The following CMYA5 variants were observed in gnomAD, a reference collection of about 807,000 sequenced individuals.
CMYA5 encodes cardiomyopathy-associated protein 5.
Under a neutral mutation model 318.9 loss-of-function variants are expected in CMYA5, and 246 were observed. The ratio of observed to expected loss-of-function variants is 0.77; its 90% CI spans 0.70 to 0.86. The LOEUF (loss-of-function observed/expected upper bound fraction) is 0.86, where lower values mean the gene tolerates loss of function less well. CMYA5 is among the 40% of genes least tolerant of loss of function. CMYA5 has a pLI of 0.00. For missense variants in CMYA5, 4,589 were observed against 4,678.2 expected (o/e 0.98, Z 0.56); for synonymous variants, 1,641 against 1,729.5 (o/e 0.95, Z 1.27).
At position 79,704,197 on chromosome 5, in the gene CMYA5, T is replaced by A. The variant is rs142135733; in HGVS notation, c.149+14141T>A. Among the ~76,000 whole-genome samples, 67 of 148,908 alleles carry A rather than the reference T, an allele frequency of 4.5e-4. 1 individual carries two copies. The highest frequency in any genetic ancestry group is 1.6e-3 in the African/African-American group (63 of 39,974). ...GAGCATAATTTGGTATCTAAGATGGTGTCCAGGAAAAAAAAAAAAAGGTAT... is the reference window on the plus strand; with the variant it reads ...GAGCATAATTTGGTATCTAAGATGGAGTCCAGGAAAAAAAAAAAAAGGTAT... On this transcript the variant is annotated intron_variant, in intron 1 of 12. Transcript: ENST00000446378.
rs769395760 is a variant in CMYA5, at chr5:79,763,043, C to G, written c.11408-19C>G. 1.9e-6 allele frequency: 3 copies of G among 1,607,074 alleles called. No individual in the cohort carries two copies. Among genetic ancestry groups the G allele is most frequent in the African/African-American group, 1.3e-5 (1 of 74,800 alleles). The stretch of plus-strand genomic sequence containing the variant: ...CAAGCTGGCATTGCTCCACGACTGT[C>G]CTGACTCTCTTTCTGCAGCACCCTC... On this transcript the variant is annotated intron_variant, in intron 8 of 12. Transcript: ENST00000446378.
Position 79,737,993 on chromosome 5 carries a change from A to G in CMYA5, c.9228A>G (p.Leu3076=), listed in dbSNP as rs1381184170. The G allele has an allele frequency of 2.5e-6, 4 of 1,613,556 alleles. No homozygotes were observed. The Admixed American group carries it at 6.7e-5, about 27-fold the overall frequency. Residue 3076 remains leucine (L), a synonymous_variant, in exon 2 of 13, where the codon TTA becomes TTG. Transcript: ENST00000446378. ...DPEKQKAPQK[L]NVEEKLSKEV... ...AAAAACAGAAAGCTCCACAGAAATT[A>G]AATGTTGAAGAGAAACTCTCAAAGG...
rs1827861162 is a variant in CMYA5 at position 79,730,365 on chromosome 5, C to T, written c.1600C>T (p.Leu534Phe). ...SNLVEEEIVE[L>F]DYPESPLVSE... is the part of the protein sequence containing the mutation. ...TTTAGTAGAAGAAGAGATCGTAGAA[C>T]TTGATTACCCAGAAAGCCCATTGGT... The change falls in exon 2 of 13, where the codon CTT becomes TTT. Residue 534 changes from leucine (L) to phenylalanine (F), a missense_variant. Transcript: ENST00000446378. 1.2e-6 allele frequency: 2 copies of T among 1,613,860 alleles called. No individual in the cohort carries two copies. Among genetic ancestry groups the T allele is most frequent in the Non-Finnish European group, 1.7e-6 (2 of 1,179,856 alleles).
intron 9 of CMYA5, among the ~76,000 whole-genome samples, chr5:79,777,712 T>G: frequency 6.7e-6 from 1 of 149,734 alleles, no homozygotes. Context: ...GAGGCGGAGG[T>G]TTCAGTGAGC....
Position 79,737,075 on chromosome 5 carries a change from G to A in CMYA5, c.8310G>A (p.Trp2770Ter), listed in dbSNP as rs779727285. The change falls in exon 2 of 13, where the codon TGG becomes TGA. Residue 2770 changes from tryptophan to a stop codon, truncating the protein, a stop_gained. Coordinates refer to ENST00000446378, the MANE Select transcript of CMYA5 (RefSeq NM_153610.5). LOFTEE classifies it high-confidence loss of function. ...EKEQFKESELWKGGSVDITKE... is the reference protein window; with the variant it reads ...EKEQFKESEL ...AACAGTTCAAAGAGTCAGAGCTATG[G>A]AAAGGTGGTTCAGTAGATATCACAA... 2.5e-6 allele frequency: 4 copies of A among 1,613,746 alleles called. No homozygotes were observed. Among genetic ancestry groups the A allele is most frequent in the Non-Finnish European group, 3.4e-6 (4 of 1,179,798 alleles).
intron 5 of CMYA5, among the ~76,000 whole-genome samples, chr5:79,748,805 T>C (rs899515125): frequency 2.0e-5 from 3 of 152,162 alleles, no homozygotes; most frequent in African/African-American, 7.2e-5. Context: ...CCAGTTTCCT[T>C]TATTTTAAAC....
chr5:79,734,568 A>G lies in CMYA5; in HGVS notation c.5803A>G (p.Ser1935Gly). ...RPGQLKAAVS[S>G]KDHTCEVRKQ... Reference sequence around the variant, plus strand: ...AGGGCAGCTCAAGGCTGCTGTGTCCAGTAAGGACCATACATGTGAAGTGAG... The same window carrying G: ...AGGGCAGCTCAAGGCTGCTGTGTCCGGTAAGGACCATACATGTGAAGTGAG... Residue 1935 changes from serine (S) to glycine (G), a missense_variant, in exon 2 of 13, where the codon AGT becomes GGT. This residue lies in a region of CMYA5 where 2,431 missense variants were observed against 2,495.1 expected (regional missense o/e 0.97). Coordinates refer to ENST00000446378, the MANE Select transcript of CMYA5 (RefSeq NM_153610.5). The G allele has an allele frequency of 6.2e-7, 1 of 1,613,904 alleles. No individual in the cohort carries two copies. Among genetic ancestry groups the G allele is most frequent in the Non-Finnish European group, 8.5e-7 (1 of 1,179,846 alleles).
intron 10 of CMYA5, among the ~76,000 whole-genome samples, chr5:79,789,590 A>G (rs1315582137): frequency 6.6e-6 from 1 of 151,680 alleles, no homozygotes; most frequent in Admixed American, 6.6e-5. Flanking sequence ...TGCCTGGCTA[A>G]TTTTTGGATT....
chr5:79,733,765 C>A lies in CMYA5; in HGVS notation c.5000C>A (p.Ser1667Tyr). 1 of 1,613,416 alleles carries A rather than the reference C, an allele frequency of 6.2e-7. No individual in the cohort carries two copies. The highest frequency in any genetic ancestry group is 8.5e-7 in the Non-Finnish European group (1 of 1,179,738). ...AKSPITETEDSVLEKGPAELR... is the reference protein window; with the variant it reads ...AKSPITETEDYVLEKGPAELR... The stretch of plus-strand genomic sequence containing the variant: ...TCTCCCATAACTGAAACAGAGGATT[C>A]TGTTTTAGAAAAAGGCCCAGCTGAG... Residue 1667 changes from serine (S) to tyrosine (Y), a missense_variant, in exon 2 of 13, where the codon TCT (serine) becomes TAT (tyrosine). Physicochemically the swap from Ser to Tyr is moderately radical, Grantham distance 144. This residue lies in a region of CMYA5 where 2,132 missense variants were observed against 2,131.3 expected (regional missense o/e 1.00). Transcript: ENST00000446378.
At chr5:79,791,095 G>A in intron 11 of CMYA5, 26 bp downstream of exon 11, 1 of 1,547,902 alleles carries the variant, frequency 6.5e-7, no homozygotes. Context: ...AAGCACAAGT[G>A]GGCTGATGGC....
intron 1 of CMYA5, among the ~76,000 whole-genome samples, chr5:79,699,880 C>T (rs72768863): frequency 0.13 from 20,079 of 152,202 alleles, 1,985 homozygotes; most frequent in Admixed American, 0.26. Flanking sequence ...ACCCCTAGTG[C>T]ATTTACATAC....
chr5:79,711,278 A>T (rs1827384023), intron 1 of CMYA5, among the ~76,000 whole-genome samples: 1 of 152,114 alleles, frequency 6.6e-6, no homozygotes, highest in Non-Finnish European at 1.5e-5. Context: ...GGTGCTTTTC[A>T]CTGGCAGCTC....
Position 79,787,465 on chromosome 5 carries a change from G to A in CMYA5, c.11556-1506G>A, listed in dbSNP as rs568492393. 2.6e-5 allele frequency among the ~76,000 whole-genome samples: 4 copies of A among 152,228 alleles called. No homozygotes were observed. In the South Asian group the frequency reaches 8.3e-4, roughly 32 times the overall value. ...CCCCAGAATAATATTCTAGATATTA[G>A]TCAGAAATTACATTCTCAATCATAG... On this transcript the variant is annotated intron_variant, in intron 9 of 12. Transcript: ENST00000446378.
intron 2 of CMYA5, among the ~76,000 whole-genome samples, chr5:79,740,829 C>T (rs888973440): frequency 3.9e-5 from 6 of 152,142 alleles, no homozygotes; most frequent in Middle Eastern, 3.4e-3. Context: ...ATAACAATAA[C>T]GATTGAGGAT....
In CMYA5 at chr5:79,733,992, C is replaced by CCATTTACT. The variant is rs1431152909; in HGVS notation, c.5228_5235dup (p.Phe1746HisfsTer6). On this transcript the variant is annotated frameshift_variant, in exon 2 of 13. Coordinates refer to ENST00000446378, the MANE Select transcript of CMYA5 (RefSeq NM_153610.5). LOFTEE classifies it high-confidence loss of function. ...AGGAGGCAACCCAGAAGAATTTCAGCCATTTACTTTTTCTTTAAAAGGATT... is the reference window on the plus strand; with the variant it reads ...AGGAGGCAACCCAGAAGAATTTCAGCCATTTACTCATTTACTTTTTCTTTAAAAGGATT... 2 of 1,613,496 alleles carry CCATTTACT rather than the reference C, an allele frequency of 1.2e-6. No individual in the cohort carries two copies. Among genetic ancestry groups the CCATTTACT allele is most frequent in the African/African-American group, 2.7e-5 (2 of 74,896 alleles).
At chr5:79,767,821 G>A (rs1828782383) in intron 9 of CMYA5, among the ~76,000 whole-genome samples, 1 of 152,206 alleles carries the variant, frequency 6.6e-6, no homozygotes, top group South Asian at 2.1e-4. Flanking sequence ...TATTAGGTCT[G>A]CTTGGTCCAG....
Position 79,734,742 on chromosome 5 carries a change from T to G in CMYA5, c.5977T>G (p.Ser1993Ala), listed in dbSNP as rs759435085. 6.2e-6 allele frequency: 10 copies of G among 1,613,628 alleles called. No individual in the cohort carries two copies. The highest frequency in any genetic ancestry group is 8.5e-6 in the Non-Finnish European group (10 of 1,179,814). ...AGTAAAGCTGGCTGAAGAACCAAAG[T>G]CTTTAGTCCTAGCTGGAAATGTAGA... ...EEVKLAEEPK[S>A]LVLAGNVERN... The change falls in exon 2 of 13, where the codon TCT (serine) becomes GCT (alanine). Residue 1993 changes from serine (S) to alanine (A), a missense_variant. Around this residue, in one of 3 missense-constraint regions of CMYA5, gnomAD observed 2,431 missense variants for 2,495.1 expected, o/e 0.97. Coordinates refer to ENST00000446378, the MANE Select transcript of CMYA5 (RefSeq NM_153610.5).
chr5:79,769,241 A>C (rs1828812287), intron 9 of CMYA5, among the ~76,000 whole-genome samples: 1 of 151,960 alleles, frequency 6.6e-6, no homozygotes. Flanking sequence ...GGGTTAAAAC[A>C]TGCTGTTTTA....
rs955501949 is a variant in CMYA5 at position 79,799,662 on chromosome 5, G to A, written c.*46G>A. The A allele has an allele frequency of 1.2e-5, 19 of 1,569,296 alleles. No homozygotes were observed. Among genetic ancestry groups the A allele is most frequent in the Non-Finnish European group, 1.6e-5 (18 of 1,153,614 alleles). ...CAAGAACAGCGATTTGAATTTTGGG[G>A]GGGTCTGCTGTTCATTCCTTTAGGT... On this transcript the variant is annotated 3_prime_UTR_variant, in exon 13 of 13. Transcript: ENST00000446378.
Sources: gnomAD v4.1 joint callset for allele counts (sites outside exome capture counted in the v4.1 genomes callset) on GRCh38, gnomAD v4.1.1 for gene constraint, gnomAD v4.1.1 regional missense constraint, MANE v1.5 for transcripts, NCBI Gene and HGNC (gene_info 2026-07-23, HGNC 2026-07-21) for gene names.